Variants in SERPINC1 observed in about 807,000 individuals in gnomAD.
The protein encoded by SERPINC1 is serpin family C member 1, also known as antithrombin-III.
A neutral mutation model predicts 43.4 loss-of-function variants in SERPINC1; 12 were observed. That is an observed-to-expected ratio of 0.28 (90% confidence interval 0.18 to 0.45). SERPINC1 has a LOEUF of 0.45. Ranked by LOEUF, SERPINC1 falls within the 20% of genes least tolerant of loss-of-function variation. The pLI is 1.00. For missense variants in SERPINC1, 423 were observed against 578.8 expected, an observed-to-expected ratio of 0.73 and a Z score of 2.76; for synonymous variants, 210 against 218.9, an observed-to-expected ratio of 0.96 and a Z score of 0.36.
At chr1:173,913,054 G>A (rs912046641) in intron 2 of SERPINC1, among the ~76,000 whole-genome samples, 1 of 152,164 alleles carries the variant, frequency 6.6e-6, no homozygotes, top group Admixed American at 6.6e-5. Context: ...CCTGAGCAAA[G>A]GTGATGAAGT....
At chr1:173,904,172 G>A in intron 6 of SERPINC1, 107 bp from the exon 7 acceptor site, 3 of 1,089,038 alleles carry the variant, frequency 2.8e-6, no homozygotes, top group Non-Finnish European at 2.8e-6. Flanking sequence ...TTGTTTTCCA[G>A]TAAAAAGTAC....
chr1:173,908,277 G>A (rs1413626505), intron 5 of SERPINC1, among the ~76,000 whole-genome samples: 1 of 151,584 alleles, frequency 6.6e-6, no homozygotes, highest in Non-Finnish European at 1.5e-5. Context: ...ATCGCCTGAG[G>A]TCAGGAGTTC....
chr1:173,912,088 G>T, intron 2 of SERPINC1, 74 bp from the exon 3 acceptor site: 1 of 1,057,724 alleles, frequency 9.5e-7, no homozygotes, highest in Non-Finnish European at 1.5e-6. Context: ...GCACATGCTG[G>T]TCAGTCTCTG....
At chr1:173,908,490 C>CAA (rs753240633) in intron 5 of SERPINC1, among the ~76,000 whole-genome samples, 4,735 of 53,432 alleles carry the variant, frequency 0.089, 219 homozygotes, top group Non-Finnish European at 0.095. Context: ...GACTTCGTCT[C>CAA]AAAAAAAAAA....
chr1:173,904,538 T>G lies in SERPINC1; in HGVS notation c.1219-473A>C, dbSNP rs143033770. ...TATGAAAAGAGGTGGGTTCTCTGGC[T>G]GGACGAGATGCCATTTTCTTGGAGT... On this transcript the variant is annotated intron_variant, in intron 6 of 6. Coordinates refer to ENST00000367698, the MANE Select transcript of SERPINC1 (RefSeq NM_000488.4). Among the ~76,000 whole-genome samples the G allele has an allele frequency of 4.3e-3, 652 of 152,328 alleles. 9 individuals are homozygous for G. The highest frequency in any genetic ancestry group is 4.8e-3 in the Non-Finnish European group (327 of 68,030).
intron 2 of SERPINC1, among the ~76,000 whole-genome samples, chr1:173,912,513 T>C (rs1229361707): frequency 6.6e-6 from 1 of 152,182 alleles, no homozygotes. Context: ...TTAGAAGTCA[T>C]CCATGCTTTG....
rs1657685402 is a variant in SERPINC1, at chr1:173,909,748, C to T, written c.957G>A (p.Lys319=). Residue 319 remains lysine, a synonymous_variant, in exon 5 of 7, where the codon AAG becomes AAA. Transcript: ENST00000367698. ...CTACCTTGGCCAGGCTCTTCTCAGG[C>T]TTGGGCAAGATGAGGACCATGGTGA... ...DDITMVLILP[K]PEKSLAKVEK... The T allele has an allele frequency of 2.0e-5, 32 of 1,614,158 alleles. No homozygotes were observed. The East Asian group carries it at 6.9e-4, about 35-fold the overall frequency.
chr1:173,913,410 A>C (rs2227603), intron 2 of SERPINC1, among the ~76,000 whole-genome samples: 2,908 of 152,286 alleles, frequency 0.019, 44 homozygotes, highest in Middle Eastern at 0.078. Flanking sequence ...AATGATCCAT[A>C]CTTCCCAGAG....
rs192819942 is a variant in SERPINC1 at position 173,913,779 on chromosome 1, C to T, written c.408+774G>A. Among the ~76,000 whole-genome samples, 186 of 150,842 alleles carry T rather than the reference C, an allele frequency of 1.2e-3. 1 individual carries two copies. The highest frequency in any genetic ancestry group is 3.6e-3 in the African/African-American group (149 of 40,938). On this transcript the variant is annotated intron_variant, in intron 2 of 6. Transcript: ENST00000367698. ...GCTGAGGCTGAGAATTGCTTGAACC[C>T]GGGAGGTAGAGGTTGCAGTGAGCTG...
rs1393257331 is a variant in SERPINC1 at position 173,903,964 on chromosome 1, G to A, written c.1320C>T (p.Phe440=). The change falls in exon 7 of 7, where the codon TTC becomes TTT. Residue 440 remains phenylalanine (F), a synonymous_variant. Transcript: ENST00000367698. ...NRVTFKANRP[F]LVFIREVPLN... is the part of the protein sequence containing the mutation. ...GAGGAACTTCTCTTATAAAAACCAG[G>A]AAAGGCCTGTTGGCCTTGAAAGTCA... 1 of 1,614,148 alleles carries A rather than the reference G, an allele frequency of 6.2e-7. No homozygotes were observed. The highest frequency in any genetic ancestry group is 1.1e-5 in the South Asian group (1 of 91,084).
chr1:173,903,974 TTG>T lies in SERPINC1; in HGVS notation c.1308_1309del (p.Asn437GlnfsTer27). The T allele has an allele frequency of 6.2e-7, 1 of 1,614,062 alleles. No homozygotes were observed. The highest frequency in any genetic ancestry group is 8.5e-7 in the Non-Finnish European group (1 of 1,179,882). On this transcript the variant is annotated frameshift_variant, in exon 7 of 7. Transcript: ENST00000367698. LOFTEE classifies it high-confidence loss of function. ...TCTTATAAAAACCAGGAAAGGCCTG[TTG>T]GCCTTGAAAGTCACCCTGTTGGGGT... is the stretch of plus-strand genomic sequence containing the variant.
At chr1:173,911,470 G>A (rs972162366) in intron 3 of SERPINC1, among the ~76,000 whole-genome samples, 2 of 152,150 alleles carry the variant, frequency 1.3e-5, no homozygotes, top group African/African-American at 4.8e-5. Flanking sequence ...AACTTTATTT[G>A]ACCATGATAA....
intron 5 of SERPINC1, 105 bp from the exon 6 acceptor site, chr1:173,907,619 A>G (rs747895240): frequency 8.5e-6 from 7 of 827,738 alleles, no homozygotes; most frequent in African/African-American, 1.7e-5. Flanking sequence ...GCTTTTTGAA[A>G]CATAAGAAGA....
At chr1:173,907,318 G>A in intron 6 of SERPINC1, 132 bp downstream of exon 6, 1 of 753,336 alleles carries the variant, frequency 1.3e-6, no homozygotes, top group East Asian at 2.5e-5. Flanking sequence ...AGGTTTTGGA[G>A]AGGGCTGTAT....
chr1:173,916,160 C>T (rs918721058), intron 1 of SERPINC1, among the ~76,000 whole-genome samples: 4 of 152,170 alleles, frequency 2.6e-5, no homozygotes, highest in Non-Finnish European at 4.4e-5. Context: ...AGTTGGGACA[C>T]TCGATGAAGC....
rs765761813 is a variant in SERPINC1 at position 173,909,645 on chromosome 1, G to A, written c.1060C>T (p.Arg354Cys). ...EEMMLVVHMP[R>C]FRIEDGFSLK... is the part of the protein sequence containing the mutation. ...CTGAAGCCGTCCTCAATGCGGAAGC[G>A]GGGCATGTGGACCACCAGCATCATC... The change falls in exon 5 of 7, where the codon CGC becomes TGC. Residue 354 changes from arginine to cysteine, a missense_variant. Physicochemically the swap from Arg to Cys is radical, Grantham distance 180. Coordinates refer to ENST00000367698, the MANE Select transcript of SERPINC1 (RefSeq NM_000488.4). 8.1e-6 allele frequency: 13 copies of A among 1,613,658 alleles called. No individual in the cohort carries two copies. The highest frequency in any genetic ancestry group is 1.1e-5 in the South Asian group (1 of 91,076).
At position 173,909,823 on chromosome 1, in the gene SERPINC1, G is replaced by T; in HGVS notation, c.882C>A (p.Arg294=). The part of the protein sequence containing the change: ...MYQEGKFRYR[R]VAEGTQVLEL... Reference sequence around the variant, plus strand: ...CAAGCACCTGGGTGCCTTCAGCCACGCGCCGATAACGGAACTTGCCTTCCT... The same window carrying T: ...CAAGCACCTGGGTGCCTTCAGCCACTCGCCGATAACGGAACTTGCCTTCCT... Residue 294 remains arginine (R), a synonymous_variant, in exon 5 of 7, where the codon CGC becomes CGA. Coordinates refer to ENST00000367698, the MANE Select transcript of SERPINC1 (RefSeq NM_000488.4). 6.2e-7 allele frequency: 1 copy of T among 1,614,112 alleles called. No individual in the cohort carries two copies.
chr1:173,909,445 C>G, intron 5 of SERPINC1, 107 bp downstream of exon 5: 1 of 1,133,802 alleles, frequency 8.8e-7, no homozygotes, highest in Non-Finnish European at 1.3e-6. Context: ...GGATCAGTAT[C>G]CAGGAGTCCT....
chr1:173,910,245 C>T (rs1572089048), intron 4 of SERPINC1, among the ~76,000 whole-genome samples: 3 of 152,138 alleles, frequency 2.0e-5, no homozygotes, highest in South Asian at 4.1e-4. Flanking sequence ...GACAAAGCCA[C>T]GAAAACACAA....
Sources: allele counts gnomAD v4.1 joint callset (sites outside exome capture counted in the v4.1 genomes callset), GRCh38; gene constraint gnomAD v4.1.1; transcripts MANE v1.5; gene names NCBI Gene and HGNC (gene_info 2026-07-23, HGNC 2026-07-21).